Variants in GUCY1A2 observed in about 807,000 individuals in gnomAD.
GUCY1A2 encodes the protein guanylate cyclase 1 soluble subunit alpha 2.
A neutral mutation model predicts 63.5 loss-of-function variants in GUCY1A2; 27 were observed. The observed-to-expected ratio is 0.43, with a 90% CI of 0.31 to 0.59. GUCY1A2 has a LOEUF of 0.59. Among genes scored for constraint, GUCY1A2 ranks in the 20% least tolerant of loss-of-function variants. The probability of loss-of-function intolerance (pLI) is 0.11; values close to 1 mark genes in which losing one functional copy is unlikely to be tolerated. For synonymous variants in GUCY1A2, 364 were observed against 343.5 expected, an observed-to-expected ratio of 1.06 and a Z score of -0.66; for missense variants, 768 against 913.3, an observed-to-expected ratio of 0.84 and a Z score of 2.05.
chr11:106,687,490 T>C lies in GUCY1A2; in HGVS notation c.*59A>G. 9 of 1,234,318 alleles carry C rather than the reference T, an allele frequency of 7.3e-6. No individual in the cohort carries two copies. Among genetic ancestry groups the C allele is most frequent in the African/African-American group, 1.5e-5 (1 of 67,462 alleles). The allele number at this position is 1,234,318 out of a possible 1,614,324, so 76.5% of individuals were successfully genotyped here. On this transcript the variant is annotated 3_prime_UTR_variant, in exon 8 of 8. Coordinates refer to ENST00000526355, the MANE Select transcript of GUCY1A2 (RefSeq NM_000855.3). ...AGACACAATCTCTTTCCACCCCCCA[T>C]TGGTGACCCATGTTCTGGGCTTGTG... is the stretch of plus-strand genomic sequence containing the variant.
chr11:106,890,329 T>G (rs970054535), intron 4 of GUCY1A2, among the ~76,000 whole-genome samples: 1 of 152,192 alleles, frequency 6.6e-6, no homozygotes, highest in Non-Finnish European at 1.5e-5. Context: ...TCCTTTCTTA[T>G]GCTTCACAAT....
intron 6 of GUCY1A2, among the ~76,000 whole-genome samples, chr11:106,768,461 G>A (rs1016991645): frequency 3.3e-5 from 5 of 151,998 alleles, no homozygotes; most frequent in Admixed American, 2.0e-4. Flanking sequence ...AATATTCAAG[G>A]CAATAGGAAG....
intron 4 of GUCY1A2, among the ~76,000 whole-genome samples, chr11:106,872,844 G>T (rs536592270): frequency 2.0e-5 from 3 of 152,092 alleles, no homozygotes; most frequent in Non-Finnish European, 4.4e-5. Context: ...AGAACGTGCA[G>T]ATTTGTTACA....
chr11:107,004,745 T>C (rs753973909), intron 1 of GUCY1A2, among the ~76,000 whole-genome samples: 3 of 152,232 alleles, frequency 2.0e-5, no homozygotes, highest in Non-Finnish European at 2.9e-5. Context: ...GGAGGACTAC[T>C]GTCTGATGAG....
chr11:106,900,977 TAA>T (rs1293014782), intron 4 of GUCY1A2, among the ~76,000 whole-genome samples: 1 of 152,202 alleles, frequency 6.6e-6, no homozygotes, highest in Non-Finnish European at 1.5e-5. Context: ...CTTGAAACAA[TAA>T]AGTTTGCCAT....
chr11:106,817,433 A>G (rs2135428297), intron 4 of GUCY1A2, among the ~76,000 whole-genome samples: 1 of 152,230 alleles, frequency 6.6e-6, no homozygotes, highest in Non-Finnish European at 1.5e-5. Context: ...GCTCCTTGAC[A>G]TTGCTCTGAA....
At position 106,733,660 on chromosome 11, in the gene GUCY1A2, T is replaced by C. The variant is rs78418144; in HGVS notation, c.1837-24994A>G. ...AGATACGGAGCAGACACATGAGGTTTAGAAGTACTGAGCGAGCTGACCGAG... is the reference window on the plus strand; with the variant it reads ...AGATACGGAGCAGACACATGAGGTTCAGAAGTACTGAGCGAGCTGACCGAG... On this transcript the variant is annotated intron_variant, in intron 6 of 7. Transcript: ENST00000526355. Among the ~76,000 whole-genome samples the C allele has an allele frequency of 3.8e-3, 582 of 152,210 alleles. 3 individuals carry two copies. Among genetic ancestry groups the C allele is most frequent in the African/African-American group, 0.013 (557 of 41,550 alleles).
At chr11:106,881,851 C>A (rs35636240) in intron 4 of GUCY1A2, among the ~76,000 whole-genome samples, 14,499 of 151,896 alleles carry the variant, frequency 0.095, 746 homozygotes, top group Middle Eastern at 0.13. Context: ...TGAAATGTTG[C>A]GTACTAATAA....
chr11:106,725,067 G>A (rs2135366408), intron 6 of GUCY1A2, among the ~76,000 whole-genome samples: 1 of 149,014 alleles, frequency 6.7e-6, no homozygotes, highest in East Asian at 2.1e-4. Flanking sequence ...ATTGCAGACT[G>A]AATTATTTAA....
At chr11:106,880,463 C>T (rs1859808901) in intron 4 of GUCY1A2, among the ~76,000 whole-genome samples, 1 of 151,972 alleles carries the variant, frequency 6.6e-6, no homozygotes, top group African/African-American at 2.4e-5. Context: ...TGAATAAACC[C>T]CACGTCTCAT....
chr11:106,869,859 A>G (rs1380079840), intron 4 of GUCY1A2, among the ~76,000 whole-genome samples: 1 of 152,210 alleles, frequency 6.6e-6, no homozygotes, highest in Non-Finnish European at 1.5e-5. Flanking sequence ...ACCAACCCAA[A>G]TGTCCAACAA....
At chr11:106,908,681 TC>T (rs1860248627) in intron 4 of GUCY1A2, among the ~76,000 whole-genome samples, 1 of 152,016 alleles carries the variant, frequency 6.6e-6, no homozygotes, top group Non-Finnish European at 1.5e-5. Flanking sequence ...AAAATCAGAT[TC>T]TTTTTGTAAT....
At chr11:106,850,746 T>C (rs527989621) in intron 4 of GUCY1A2, among the ~76,000 whole-genome samples, 4 of 152,068 alleles carry the variant, frequency 2.6e-5, no homozygotes, top group African/African-American at 9.6e-5. Context: ...CATCCATTGA[T>C]TGACATTTAG....
intron 1 of GUCY1A2, among the ~76,000 whole-genome samples, chr11:107,002,411 G>GTGTC (rs1861622955): frequency 6.6e-6 from 1 of 151,716 alleles, no homozygotes; most frequent in South Asian, 2.1e-4. Context: ...GTGTGTGTGT[G>GTGTC]TGTCCATACA....
intron 4 of GUCY1A2, among the ~76,000 whole-genome samples, chr11:106,938,859 A>G (rs1354319056): frequency 6.6e-6 from 1 of 152,226 alleles, no homozygotes; most frequent in African/African-American, 2.4e-5. Flanking sequence ...AAAATTTCCT[A>G]GTCTTCACTT....
At chr11:106,719,664 A>T (rs1863280215) in intron 6 of GUCY1A2, among the ~76,000 whole-genome samples, 1 of 152,176 alleles carries the variant, frequency 6.6e-6, no homozygotes, top group Non-Finnish European at 1.5e-5. Flanking sequence ...ACAATGTAGA[A>T]CTCTTGGCTA....
intron 5 of GUCY1A2, among the ~76,000 whole-genome samples, chr11:106,778,839 A>G (rs1864408170): frequency 6.6e-6 from 1 of 152,104 alleles, no homozygotes; most frequent in Non-Finnish European, 1.5e-5. Flanking sequence ...CTGTTTGCTT[A>G]TTTTCACCAT....
At chr11:106,869,361 T>TGACAAAGGGCGAATATCCAGAATC (rs1189843138) in intron 4 of GUCY1A2, among the ~76,000 whole-genome samples, 2 of 152,204 alleles carry the variant, frequency 1.3e-5, no homozygotes, top group African/African-American at 2.4e-5. Flanking sequence ...TCTGCTCATC[T>TGACAAAGGGCGAATATCCAGAATC]GACAAAGGGC....
At chr11:106,927,863 C>T (rs113195098) in intron 4 of GUCY1A2, among the ~76,000 whole-genome samples, 74 of 152,176 alleles carry the variant, frequency 4.9e-4, no homozygotes, top group African/African-American at 1.7e-3. Context: ...TGAGCCACCA[C>T]GCCCGGCCTG....
Sources: allele counts gnomAD v4.1 joint callset (sites outside exome capture counted in the v4.1 genomes callset), GRCh38; gene constraint gnomAD v4.1.1; transcripts MANE v1.5; gene names NCBI Gene and HGNC (gene_info 2026-07-23, HGNC 2026-07-21).